The following NAV2 variants were observed in gnomAD, a reference collection of about 807,000 sequenced individuals.
The protein encoded by NAV2 is helicase, APC down-regulated 1.
A neutral mutation model predicts 223.2 loss-of-function variants in NAV2; 54 were observed. That is an observed-to-expected ratio of 0.24 (90% CI 0.19 to 0.30). The LOEUF is 0.30. NAV2 is among the 10% of genes least tolerant of loss of function. NAV2 has a pLI of 1.00. For synonymous variants in NAV2, 1,279 were observed against 1,239.3 expected, an observed-to-expected ratio of 1.03 and a Z score of -0.67; for missense variants, 2,806 against 3,147.5, an observed-to-expected ratio of 0.89 and a Z score of 2.60.
Position 20,101,101 on chromosome 11 carries a change from G to A in NAV2, c.6346G>A (p.Val2116Met). 2 of 1,614,148 alleles carry A rather than the reference G, an allele frequency of 1.2e-6. No individual in the cohort carries two copies. Among genetic ancestry groups the A allele is most frequent in the Non-Finnish European group, 1.7e-6 (2 of 1,180,032 alleles). ...YLANRLSEYI[V>M]LREGRELTDG... ...GGCCAACCGGCTGTCTGAGTATATAGTGCTTCGAGAGGGACGGGAGTTGAC... is the reference window on the plus strand; with the variant it reads ...GGCCAACCGGCTGTCTGAGTATATAATGCTTCGAGAGGGACGGGAGTTGAC... Residue 2116 changes from valine (V) to methionine (M), a missense_variant, in exon 32 of 38, where the codon GTG becomes ATG. Val to Met is a conservative substitution (Grantham distance 21). Around this residue, in one of 4 missense-constraint regions of NAV2, gnomAD observed 824 missense variants for 1,069.4 expected, o/e 0.77. Coordinates refer to ENST00000349880, the MANE Select transcript of NAV2 (RefSeq NM_145117.5).
intron 3 of NAV2, among the ~76,000 whole-genome samples, chr11:19,860,079 G>C: frequency 8.1e-6 from 1 of 123,354 alleles, no homozygotes. Context: ...GGGGCGGCTG[G>C]CCGGGCAGAG....
rs1222524445 is a variant in NAV2 at position 19,603,631 on chromosome 11, C to CAAAAA, written c.76-228839_76-228835dup. ...TGGGCAACAGAGCCAGACTCCATCT[C>CAAAAA]AAAAAAAAAAAAAAAAAAGAAAAAA... On this transcript the variant is annotated intron_variant, in intron 1 of 37. Coordinates refer to the NAV2 transcript ENST00000360655. Among the ~76,000 whole-genome samples the CAAAAA allele has an allele frequency of 4.6e-3, 264 of 57,720 alleles. 2 individuals carry two copies. Among genetic ancestry groups the CAAAAA allele is most frequent in the African/African-American group, 9.9e-3 (217 of 21,910 alleles). 37.9% of individuals were successfully genotyped at this position (57,720 alleles called of 152,430 possible). A position where few individuals can be genotyped will look rare whatever the true frequency, so the allele number is the denominator to read the frequency against.
chr11:20,007,941 T>A (rs1026398625), intron 11 of NAV2, among the ~76,000 whole-genome samples: 28 of 152,372 alleles, frequency 1.8e-4, no homozygotes, highest in African/African-American at 6.7e-4. Context: ...CAAAAAATAT[T>A]TTTATAGAAG....
intron 1 of NAV2, among the ~76,000 whole-genome samples, chr11:19,376,906 G>C (rs1848659975): frequency 6.6e-6 from 1 of 152,166 alleles, no homozygotes; most frequent in African/African-American, 2.4e-5. Flanking sequence ...CAGTTTCCTA[G>C]GCACCACTTA....
At chr11:19,557,118 T>C (rs2044920518) in intron 1 of NAV2, among the ~76,000 whole-genome samples, 1 of 152,206 alleles carries the variant, frequency 6.6e-6, no homozygotes, top group Non-Finnish European at 1.5e-5. Flanking sequence ...AATTCAGGCT[T>C]ATTAGATCAC....
At chr11:19,410,268 C>A (rs1432039022) in intron 1 of NAV2, among the ~76,000 whole-genome samples, 1 of 152,156 alleles carries the variant, frequency 6.6e-6, no homozygotes, top group Admixed American at 6.5e-5. Flanking sequence ...TTTCATCTTC[C>A]CTTTCATATG....
intron 5 of NAV2, among the ~76,000 whole-genome samples, chr11:19,885,464 C>G (rs2040875239): frequency 1.3e-5 from 2 of 152,218 alleles, no homozygotes; most frequent in South Asian, 4.1e-4. Flanking sequence ...ACAGAAATTG[C>G]TGCTGGGGTA....
At chr11:19,539,032 C>A (rs2044267360) in intron 1 of NAV2, among the ~76,000 whole-genome samples, 1 of 152,152 alleles carries the variant, frequency 6.6e-6, no homozygotes, top group African/African-American at 2.4e-5. Flanking sequence ...AACAGTATGG[C>A]TAAAAATGTA....
intron 1 of NAV2, among the ~76,000 whole-genome samples, chr11:19,587,487 C>G (rs1326105257): frequency 6.6e-6 from 1 of 152,208 alleles, no homozygotes; most frequent in Non-Finnish European, 1.5e-5. Context: ...GAACTGTAGA[C>G]TGGAGCTGTT....
At chr11:19,584,904 G>T (rs1283081328) in intron 1 of NAV2, among the ~76,000 whole-genome samples, 1 of 152,184 alleles carries the variant, frequency 6.6e-6, no homozygotes, top group Non-Finnish European at 1.5e-5. Flanking sequence ...TCCGCTTGGT[G>T]CAGAGCTGAG....
intron 11 of NAV2, among the ~76,000 whole-genome samples, chr11:20,010,380 G>A (rs1160346547): frequency 6.6e-6 from 1 of 152,158 alleles, no homozygotes; most frequent in Non-Finnish European, 1.5e-5. Context: ...TAGGTCAATT[G>A]GCTTAAATGG....
At chr11:19,351,106 C>A in intron 1 of NAV2, 1 of 1,351,182 alleles carries the variant, frequency 7.4e-7, no homozygotes, top group Non-Finnish European at 1.0e-6. Flanking sequence ...AGGTGGTCAT[C>A]ATCGAGCATG....
chr11:20,071,705 A>T (rs1040485448), intron 22 of NAV2, among the ~76,000 whole-genome samples: 6 of 151,888 alleles, frequency 4.0e-5, no homozygotes, highest in Non-Finnish European at 8.8e-5. Context: ...GCATTTCTTC[A>T]TATGTTTGTT....
intron 22 of NAV2, among the ~76,000 whole-genome samples, chr11:20,071,126 C>T (rs1287441285): frequency 7.4e-6 from 1 of 135,888 alleles, no homozygotes; most frequent in African/African-American, 2.7e-5. Context: ...CCCCGACAGG[C>T]CCTGGTGTCT....
intron 1 of NAV2, among the ~76,000 whole-genome samples, chr11:19,612,135 C>T (rs1188256796): frequency 1.3e-5 from 2 of 152,240 alleles, no homozygotes; most frequent in Non-Finnish European, 2.9e-5. Flanking sequence ...TCTACATTGG[C>T]CCCTTTCAGC....
intron 12 of NAV2, among the ~76,000 whole-genome samples, chr11:20,039,222 A>T (rs77416424): frequency 0.019 from 2,834 of 152,242 alleles, 89 homozygotes; most frequent in African/African-American, 0.064. Flanking sequence ...TCACTCTATG[A>T]CATCCTTGGA....
At chr11:20,056,148 A>G (rs1161526881) in intron 19 of NAV2, among the ~76,000 whole-genome samples, 191 bp downstream of exon 19, 1 of 152,176 alleles carries the variant, frequency 6.6e-6, no homozygotes, top group African/African-American at 2.4e-5. Flanking sequence ...CCTGACCCTT[A>G]ATTAACCTTC....
At chr11:20,104,545 G>C (rs934881362) in intron 34 of NAV2, 3 of 152,382 alleles carry the variant, frequency 2.0e-5, no homozygotes, top group Non-Finnish European at 4.4e-5. Context: ...CATTTAGGCT[G>C]TCCTGGTCTT....
At chr11:20,073,269 A>G (rs2059517623) in intron 22 of NAV2, among the ~76,000 whole-genome samples, 1 of 152,018 alleles carries the variant, frequency 6.6e-6, no homozygotes, top group Non-Finnish European at 1.5e-5. Flanking sequence ...CCAGCCTTGC[A>G]TCCCAGGGAT....
Sources: allele counts gnomAD v4.1 joint callset (sites outside exome capture counted in the v4.1 genomes callset), GRCh38; gene constraint gnomAD v4.1.1; regional missense constraint gnomAD v4.1.1; transcripts MANE v1.5; gene names NCBI Gene and HGNC (gene_info 2026-07-23, HGNC 2026-07-21).